Variants in ST7L observed in about 807,000 individuals in gnomAD.
The protein encoded by ST7L is suppressor of tumorigenicity 7 protein-like.
Under a neutral mutation model 72.5 loss-of-function variants are expected in ST7L, and 57 were observed. The ratio of observed to expected loss-of-function variants is 0.79; its 90% CI spans 0.64 to 0.98. ST7L has a LOEUF of 0.98. Among genes scored for constraint, ST7L ranks in the 50% least tolerant of loss-of-function variants. The pLI, the probability that ST7L is intolerant of heterozygous loss-of-function variation, is 0.00. For missense variants in ST7L, 576 were observed against 672.2 expected (o/e 0.86, Z 1.58); for synonymous variants, 221 against 240.9 (o/e 0.92, Z 0.77).
Position 112,584,090 on chromosome 1 carries a change from T to C in ST7L, c.738A>G (p.Glu246=), listed in dbSNP as rs767079341. 5.0e-6 allele frequency: 8 copies of C among 1,613,980 alleles called. No individual in the cohort carries two copies. The African/African-American group carries it at 9.3e-5, about 19-fold the overall frequency. The part of the protein sequence containing the change: ...ATAYVLLAEE[E]ATTIVDAERL... Reference sequence around the variant, plus strand: ...TTTCAGCATCTACAATAGTTGTTGCTTCTTCCTCAGCCAGTAGAACATATG... The same window carrying C: ...TTTCAGCATCTACAATAGTTGTTGCCTCTTCCTCAGCCAGTAGAACATATG... Residue 246 remains glutamate (E), a synonymous_variant, in exon 7 of 15, where the codon GAA becomes GAG. Coordinates refer to ENST00000358039, the MANE Select transcript of ST7L (RefSeq NM_017744.5).
chr1:112,578,599 C>T (rs998838981), intron 9 of ST7L, among the ~76,000 whole-genome samples, 182 bp from the exon 10 acceptor site: 2 of 151,824 alleles, frequency 1.3e-5, no homozygotes. Context: ...AATGGAGAAA[C>T]CCCGTCTCTA....
intron 3 of ST7L, among the ~76,000 whole-genome samples, chr1:112,609,521 C>T (rs575906124): frequency 2.2e-5 from 3 of 133,630 alleles, no homozygotes; most frequent in East Asian, 4.6e-4. Flanking sequence ...ACAGAGACTT[C>T]GTCTCAAAAA....
chr1:112,558,575 A>G (rs1213059105), intron 11 of ST7L, among the ~76,000 whole-genome samples: 2 of 152,208 alleles, frequency 1.3e-5, no homozygotes, highest in Admixed American at 6.5e-5. Context: ...CTCAAAGTGT[A>G]AGAATATAGT....
rs571809388 is a variant in ST7L at position 112,556,886 on chromosome 1, T to C, written c.1246-868A>G. On this transcript the variant is annotated intron_variant, in intron 11 of 14. Transcript: ENST00000358039. ...AAGAGGCTGAGGCAGGAAAATCACT[T>C]GAACCCGGGAGGCGGAGGTTGCAGT... Among the ~76,000 whole-genome samples the C allele has an allele frequency of 5.0e-4, 72 of 143,916 alleles. No homozygotes were observed. The Middle Eastern group carries it at 0.016, about 31-fold the overall frequency. The allele number at this position is 143,916 out of a possible 152,430, so 94.4% of individuals were successfully genotyped here. A position where few individuals can be genotyped will look rare whatever the true frequency, so the allele number is the denominator to read the frequency against.
chr1:112,533,306 T>C (rs181681875), intron 14 of ST7L, among the ~76,000 whole-genome samples: 1 of 151,138 alleles, frequency 6.6e-6, no homozygotes, highest in African/African-American at 2.4e-5. Context: ...AAGAAAAGCA[T>C]ATGTGCGTTA....
In ST7L at chr1:112,542,090, G is replaced by C. The variant is rs780543135; in HGVS notation, c.1490C>G (p.Thr497Ser). ...TETADRELLP[T>S]FHHVSVYPKK... ...TGGGTAAACAGAAACATGATGAAAG[G>C]CTGCAATGGAGAATAGGTAAGAATC... Residue 497 changes from threonine (T) to serine (S), a missense_variant and splice_region_variant, in exon 14 of 15, where the codon ACC becomes AGC. By Grantham distance (58) the Thr-to-Ser change is moderately conservative. This residue lies in a region of ST7L where 511 missense variants were observed against 600.7 expected (regional missense o/e 0.85). Coordinates refer to ENST00000358039, the MANE Select transcript of ST7L (RefSeq NM_017744.5). 1.2e-6 allele frequency: 2 copies of C among 1,604,736 alleles called. No homozygotes were observed. The highest frequency in any genetic ancestry group is 1.7e-6 in the Non-Finnish European group (2 of 1,176,034).
At chr1:112,595,133 A>AG (rs201216861) in intron 5 of ST7L, among the ~76,000 whole-genome samples, 2,964 of 151,948 alleles carry the variant, frequency 0.02, 99 homozygotes, top group African/African-American at 0.067. Context: ...TGGAAGACCA[A>AG]GGGGGGGCGG....
intron 14 of ST7L, among the ~76,000 whole-genome samples, chr1:112,536,553 A>C (rs1193843825): frequency 2.6e-5 from 4 of 152,184 alleles, no homozygotes; most frequent in African/African-American, 4.8e-5. Flanking sequence ...TAATTTGGGA[A>C]GAAAAATTTT....
At chr1:112,566,122 A>G (rs532471068) in intron 11 of ST7L, among the ~76,000 whole-genome samples, 4 of 152,238 alleles carry the variant, frequency 2.6e-5, no homozygotes, top group African/African-American at 9.6e-5. Context: ...TAATTTCATC[A>G]GAAGGCATGA....
rs576561269 is a variant in ST7L, at chr1:112,564,388, TCA to T, written c.1246-8372_1246-8371del. Among the ~76,000 whole-genome samples, 549 of 152,288 alleles carry T rather than the reference TCA, an allele frequency of 3.6e-3. 4 individuals carry two copies. The highest frequency in any genetic ancestry group is 6.0e-3 in the Non-Finnish European group (410 of 68,022). On this transcript the variant is annotated intron_variant, in intron 11 of 14. Transcript: ENST00000358039. ...GGTTTCATTGTGCTCTAAGTTTGGG[TCA>T]CAGACTTCAACACTTCTCCTTTGCT...
Position 112,556,985 on chromosome 1 carries a change from CA to C in ST7L, c.1246-968del, listed in dbSNP as rs1196828305. On this transcript the variant is annotated intron_variant, in intron 11 of 14. Transcript: ENST00000358039. Reference sequence around the variant, plus strand: ...CTGTCTCAAAAAAAAAAAAAAAAAACAAAAAAAAAAAAACACAAAGAAAAGA... The same window carrying C: ...CTGTCTCAAAAAAAAAAAAAAAAAACAAAAAAAAAAAACACAAAGAAAAGA... Among the ~76,000 whole-genome samples the C allele has an allele frequency of 1.5e-3, 126 of 82,128 alleles. 2 individuals carry two copies. Among genetic ancestry groups the C allele is most frequent in the African/African-American group, 4.7e-3 (95 of 20,086 alleles). 53.9% of individuals were successfully genotyped at this position (82,128 alleles called of 152,430 possible).
At chr1:112,606,041 C>T (rs565889104) in intron 3 of ST7L, among the ~76,000 whole-genome samples, 2 of 152,344 alleles carry the variant, frequency 1.3e-5, no homozygotes, top group South Asian at 4.1e-4. Context: ...CCTTCCCTGT[C>T]CCTTTTAGTT....
chr1:112,550,880 T>C (rs1411758821), intron 12 of ST7L, among the ~76,000 whole-genome samples, 187 bp from the exon 13 acceptor site: 1 of 152,130 alleles, frequency 6.6e-6, no homozygotes, highest in East Asian at 1.9e-4. Flanking sequence ...TAATAGTGAA[T>C]GGTCTAGTCT....
chr1:112,555,764 G>C, intron 12 of ST7L, 104 bp downstream of exon 12: 3 of 1,151,238 alleles, frequency 2.6e-6, no homozygotes, highest in Non-Finnish European at 3.5e-6. Flanking sequence ...CAATCTGAAC[G>C]ACAAATCCTT....
At chr1:112,608,491 A>T (rs1321405312) in intron 3 of ST7L, among the ~76,000 whole-genome samples, 1 of 152,120 alleles carries the variant, frequency 6.6e-6, no homozygotes, top group African/African-American at 2.4e-5. Flanking sequence ...GCAGTTAACC[A>T]TACTCTTTTA....
rs772835053 is a variant in ST7L, at chr1:112,526,121, A to C, written c.1630-10T>G. 59 of 1,613,992 alleles carry C rather than the reference A, an allele frequency of 3.7e-5. No individual in the cohort carries two copies. The highest frequency in any genetic ancestry group is 4.8e-5 in the Non-Finnish European group (57 of 1,179,990). ...ACCAGAGTCCCAGCACCTTCAAAAC[A>C]GAAATTGATACAAAATGTTCAAGCC... On this transcript the variant is annotated splice_polypyrimidine_tract_variant and intron_variant, in intron 14 of 14. Transcript: ENST00000358039.
intron 14 of ST7L, among the ~76,000 whole-genome samples, chr1:112,537,067 C>G (rs1176592871): frequency 1.3e-5 from 2 of 151,954 alleles, no homozygotes; most frequent in African/African-American, 4.8e-5. Context: ...GCGATCTCGG[C>G]TCACTGCAAC....
chr1:112,595,192 C>G (rs981907172), intron 5 of ST7L, among the ~76,000 whole-genome samples: 1 of 151,456 alleles, frequency 6.6e-6, no homozygotes, highest in African/African-American at 2.4e-5. Context: ...ATGGAGAAAC[C>G]CTGTCTCTAC....
At chr1:112,570,545 G>GTATCTATATATATATATATA (rs1661900726) in intron 11 of ST7L, among the ~76,000 whole-genome samples, 1 of 130,862 alleles carries the variant, frequency 7.6e-6, no homozygotes, top group Non-Finnish European at 1.6e-5. Flanking sequence ...AATAAAAGAT[G>GTATCTATATATATATATATA]TATATATATA....
Sources: gnomAD v4.1 joint callset for allele counts (sites outside exome capture counted in the v4.1 genomes callset) on GRCh38, gnomAD v4.1.1 for gene constraint, gnomAD v4.1.1 regional missense constraint, MANE v1.5 for transcripts, NCBI Gene and HGNC (gene_info 2026-07-23, HGNC 2026-07-21) for gene names.